FBH1: variants seen among roughly 807,000 people sequenced by gnomAD.
FBH1 encodes DNA 3'-5' helicase 1.
In FBH1, 43 loss-of-function variants were observed where a neutral mutation model predicts 115.5. The ratio of observed to expected loss-of-function variants is 0.37; its 90% confidence interval spans 0.29 to 0.48. The LOEUF (loss-of-function observed/expected upper bound fraction) is 0.48, where lower values mean the gene tolerates loss of function less well. Among genes scored for constraint, FBH1 ranks in the 20% least tolerant of loss-of-function variants. The pLI is 0.99. For synonymous variants in FBH1, 524 were observed against 507.8 expected (o/e 1.03, Z -0.43); for missense variants, 1,001 against 1,337.3 (o/e 0.75, Z 3.92).
Position 5,921,124 on chromosome 10 carries a change from G to A in FBH1, c.2101-134G>A. The stretch of plus-strand genomic sequence containing the variant: ...TGAAGGACCTTGAAAGTGAGCCTGT[G>A]AAGTTCGCTTTCCATGCGGGGGGTC... On this transcript the variant is annotated intron_variant, in intron 13 of 20. Coordinates refer to ENST00000362091, the MANE Select transcript of FBH1 (RefSeq NM_178150.3). This position sits in a 1 kb window ranked among gnomAD's most constrained non-coding sequence, Gnocchi z 6.4. 1 of 689,058 alleles carries A rather than the reference G, an allele frequency of 1.5e-6. No individual in the cohort carries two copies. The highest frequency in any genetic ancestry group is 2.5e-6 in the Non-Finnish European group (1 of 402,578). 42.7% of individuals were successfully genotyped at this position (689,058 alleles called of 1,614,324 possible). A position where few individuals can be genotyped will look rare whatever the true frequency, so the allele number is the denominator to read the frequency against.
chr10:5,911,547 G>A lies in FBH1; in HGVS notation c.1211+419G>A, dbSNP rs980069885. ...CATGCGGGAGAGGCTATGGCGTGTC[G>A]GCTGCTGATTCACAGGGGCCCCGAT... On this transcript the variant is annotated intron_variant, in intron 6 of 20. Transcript: ENST00000362091. The surrounding 1 kb of genome is among the most constrained non-coding windows in gnomAD (Gnocchi z 5.4). 2.4e-4 allele frequency among the ~76,000 whole-genome samples: 37 copies of A among 152,178 alleles called. No individual in the cohort carries two copies. The highest frequency in any genetic ancestry group is 8.9e-4 in the African/African-American group (37 of 41,442).
rs1354298436 is a variant in FBH1 at position 5,904,900 on chromosome 10, GC to G, written c.158-1136del. ...TTCAGTTTCATAAATTTTGTTAAAG[GC>G]TAAACCGAGTTTCAGTCCATTCTCT... is the stretch of plus-strand genomic sequence containing the variant. On this transcript the variant is annotated intron_variant, in intron 2 of 20. Coordinates refer to ENST00000362091, the MANE Select transcript of FBH1 (RefSeq NM_178150.3). Among the ~76,000 whole-genome samples the G allele has an allele frequency of 4.6e-5, 7 of 152,024 alleles. No individual in the cohort carries two copies. In the East Asian group the frequency reaches 1.3e-3, roughly 29 times the overall value.
At position 5,915,360 on chromosome 10, in the gene FBH1, T is replaced by C. The variant is rs144591731; in HGVS notation, c.1397-43T>C. 7.2e-4 allele frequency: 1,161 copies of C among 1,606,952 alleles called. 10 individuals are homozygous for C. In the African/African-American group the frequency reaches 0.013, roughly 18 times the overall value. The stretch of plus-strand genomic sequence containing the variant: ...TGATTGGGGATCCCTGGGCATGTCT[T>C]GTCTGGTCAGAGGGTCACCTCCTTT... On this transcript the variant is annotated intron_variant, in intron 8 of 20. Coordinates refer to ENST00000362091, the MANE Select transcript of FBH1 (RefSeq NM_178150.3). The surrounding 1 kb of genome is among the most constrained non-coding windows in gnomAD (Gnocchi z 5.2).
chr10:5,891,891 C>T (rs1042601959), intron 1 of FBH1, among the ~76,000 whole-genome samples: 1 of 152,210 alleles, frequency 6.6e-6, no homozygotes, highest in African/African-American at 2.4e-5. Flanking sequence ...GGATTACAGG[C>T]GTGAGCCACC....
Position 5,914,049 on chromosome 10 carries a change from C to T in FBH1, c.1305-129C>T, listed in dbSNP as rs1331008727. The T allele has an allele frequency of 1.1e-5, 10 of 903,860 alleles. No individual in the cohort carries two copies. The highest frequency in any genetic ancestry group is 3.1e-5 in the South Asian group (2 of 64,340). 56.0% of individuals were successfully genotyped at this position (903,860 alleles called of 1,614,324 possible). ...TCTAGCTTTAGAACATGTTTATTCT[C>T]GTAAGGGGAGGCCTTTTTTTTGGTC... On this transcript the variant is annotated intron_variant, in intron 7 of 20. Transcript: ENST00000362091. This position sits in a 1 kb window ranked among gnomAD's most constrained non-coding sequence, Gnocchi z 5.2.
chr10:5,926,490 T>G (rs572754980), intron 18 of FBH1, among the ~76,000 whole-genome samples: 2 of 152,242 alleles, frequency 1.3e-5, no homozygotes, highest in Non-Finnish European at 2.9e-5. Context: ...TGCTATTGCT[T>G]TGGTTTTAAA....
chr10:5,913,885 C>A lies in FBH1; in HGVS notation c.1304+46C>A. On this transcript the variant is annotated intron_variant, in intron 7 of 20. Coordinates refer to ENST00000362091, the MANE Select transcript of FBH1 (RefSeq NM_178150.3). This position sits in a 1 kb window ranked among gnomAD's most constrained non-coding sequence, Gnocchi z 4.4. Reference sequence around the variant, plus strand: ...GCGTGTGTTTTGTCTTCTGTCGACTCTTCCTCATACTTAAGGAGGGAGATG... The same window carrying A: ...GCGTGTGTTTTGTCTTCTGTCGACTATTCCTCATACTTAAGGAGGGAGATG... 1 of 1,381,686 alleles carries A rather than the reference C, an allele frequency of 7.2e-7. No homozygotes were observed. The highest frequency in any genetic ancestry group is 1.2e-5 in the South Asian group (1 of 80,564). The allele number at this position is 1,381,686 out of a possible 1,614,324, so 85.6% of individuals were successfully genotyped here. A position where few individuals can be genotyped will look rare whatever the true frequency, so the allele number is the denominator to read the frequency against.
At chr10:5,901,787 C>T (rs56333805) in intron 1 of FBH1, among the ~76,000 whole-genome samples, 5,399 of 152,088 alleles carry the variant, frequency 0.035, 186 homozygotes, top group East Asian at 0.15. Flanking sequence ...TGGTCTTGAG[C>T]TCTAGACCTC....
At chr10:5,908,858 G>A (rs1242201869) in intron 3 of FBH1, 67 bp from the exon 4 acceptor site, 6 of 1,564,594 alleles carry the variant, frequency 3.8e-6, no homozygotes, top group South Asian at 1.1e-5. Context: ...CGATCTGCCC[G>A]CCTCATTAAT....
intron 19 of FBH1, chr10:5,934,364 G>GTTTTTTTT (rs60109796): frequency 1.4e-5 from 2 of 141,100 alleles, no homozygotes; most frequent in African/African-American, 5.4e-5. Flanking sequence ...TCAAAGACAG[G>GTTTTTTTT]TTTTTTTTTT....
chr10:5,906,447 G>C lies in FBH1; in HGVS notation c.568G>C (p.Asp190His), dbSNP rs1410242364. The C allele has an allele frequency of 6.2e-7, 1 of 1,614,220 alleles. No individual in the cohort carries two copies. The highest frequency in any genetic ancestry group is 1.7e-5 in the Admixed American group (1 of 60,022). The change falls in exon 3 of 21, where the codon GAT becomes CAT. Residue 190 changes from aspartate to histidine, a missense_variant. By Grantham distance (81) the Asp-to-His change is moderately conservative. This residue lies in a region of FBH1 where 420 missense variants were observed against 430.4 expected (regional missense o/e 0.98). Coordinates refer to ENST00000362091, the MANE Select transcript of FBH1 (RefSeq NM_178150.3). This position sits in a 1 kb window ranked among gnomAD's most constrained non-coding sequence, Gnocchi z 7.3. Reference sequence around the variant, plus strand: ...CCAAGATGCTGGGGACGTGGGTCCTGATCCCATTCCTGACTCATACTATGG... The same window carrying C: ...CCAAGATGCTGGGGACGTGGGTCCTCATCCCATTCCTGACTCATACTATGG... ...TDQDAGDVGP[D>H]PIPDSYYGLL...
chr10:5,915,476 C>G lies in FBH1; in HGVS notation c.1470C>G (p.Phe490Leu). Reference protein sequence around the residue: ...WSQSRFLYVTFNKSIAKQAER... With the variant: ...WSQSRFLYVTLNKSIAKQAER... ...AGAGCAGGTTTCTGTATGTGACATT[C>G]AACAAGAGCATCGCAAAGCAGGCCG... Residue 490 changes from phenylalanine (F) to leucine (L), a missense_variant, in exon 9 of 21, where the codon TTC becomes TTG. Physicochemically the swap from Phe to Leu is conservative, Grantham distance 22. Transcript: ENST00000362091. The surrounding 1 kb of genome is among the most constrained non-coding windows in gnomAD (Gnocchi z 5.2). 6.2e-7 allele frequency: 1 copy of G among 1,614,202 alleles called. No individual in the cohort carries two copies. The highest frequency in any genetic ancestry group is 8.5e-7 in the Non-Finnish European group (1 of 1,180,028).
chr10:5,902,220 G>C (rs1401730782), intron 1 of FBH1, among the ~76,000 whole-genome samples: 1 of 151,946 alleles, frequency 6.6e-6, no homozygotes, highest in Non-Finnish European at 1.5e-5. Context: ...AGACATGTGT[G>C]CCCTTTGGTC....
rs1025520394 is a variant in FBH1 at position 5,917,360 on chromosome 10, G to A, written c.1789-60G>A. 1.8e-5 allele frequency: 25 copies of A among 1,420,056 alleles called. No individual in the cohort carries two copies. The highest frequency in any genetic ancestry group is 4.2e-5 in the African/African-American group (3 of 71,280). 88.0% of individuals were successfully genotyped at this position (1,420,056 alleles called of 1,614,324 possible). ...CTGTATGGGAGTTGACAGTGTGACC[G>A]CAGGGTGCTGCCTTTGCCAGGGTCT... On this transcript the variant is annotated intron_variant, in intron 10 of 20. Coordinates refer to ENST00000362091, the MANE Select transcript of FBH1 (RefSeq NM_178150.3). This position sits in a 1 kb window ranked among gnomAD's most constrained non-coding sequence, Gnocchi z 5.6.
Position 5,937,270 on chromosome 10 carries a change from T to C in FBH1, c.3122T>C (p.Leu1041Pro). 3.1e-6 allele frequency: 5 copies of C among 1,600,898 alleles called. No individual in the cohort carries two copies. Among genetic ancestry groups the C allele is most frequent in the Non-Finnish European group, 4.3e-6 (5 of 1,172,480 alleles). The change falls in exon 21 of 21, where the codon CTC (leucine) becomes CCC (proline). Residue 1041 changes from leucine to proline, a missense_variant. Leu to Pro is a moderately conservative substitution (Grantham distance 98). Transcript: ENST00000362091. ...CCCCGGCATGAGGCCCTGCTCTTCC[T>C]CGTCTTCTGAGGACAAGGCGCACGT... ...VLPRHEALLF[L>P]VF
chr10:5,904,301 A>G (rs1022859108), intron 2 of FBH1, among the ~76,000 whole-genome samples: 5 of 152,186 alleles, frequency 3.3e-5, no homozygotes, highest in East Asian at 3.9e-4. Context: ...TCAAACTGCC[A>G]GGATTACAGG....
chr10:5,918,599 G>A lies in FBH1; in HGVS notation c.2100+121G>A. 7.8e-7 allele frequency: 1 copy of A among 1,286,116 alleles called. No individual in the cohort carries two copies. The highest frequency in any genetic ancestry group is 1.0e-6 in the Non-Finnish European group (1 of 973,580). The allele number at this position is 1,286,116 out of a possible 1,614,324, so 79.7% of individuals were successfully genotyped here. ...TAGCAAATCCTTGCTTCTAAGCCAT[G>A]GTTCTCAAAGTGTGGTTCTCAGGGG... On this transcript the variant is annotated intron_variant, in intron 13 of 20. Transcript: ENST00000362091. This position sits in a 1 kb window ranked among gnomAD's most constrained non-coding sequence, Gnocchi z 4.0.
chr10:5,895,766 A>G lies in FBH1; in HGVS notation c.1+5420A>G, dbSNP rs1474575218. On this transcript the variant is annotated intron_variant, in intron 1 of 20. Transcript: ENST00000362091. The surrounding 1 kb of genome is among the most constrained non-coding windows in gnomAD (Gnocchi z 5.0). Reference sequence around the variant, plus strand: ...CCCGGCTTCTAAGGATGTCCTGGGAATCAGCTTCCCAGTTAAGGGGAAGAG... The same window carrying G: ...CCCGGCTTCTAAGGATGTCCTGGGAGTCAGCTTCCCAGTTAAGGGGAAGAG... Among the ~76,000 whole-genome samples, 1 of 152,136 alleles carries G rather than the reference A, an allele frequency of 6.6e-6. No individual in the cohort carries two copies. Among genetic ancestry groups the G allele is most frequent in the Admixed American group, 6.6e-5 (1 of 15,262 alleles).
rs1831410219 is a variant in FBH1 at position 5,909,257 on chromosome 10, T to G, written c.983T>G (p.Val328Gly). 1 of 1,612,466 alleles carries G rather than the reference T, an allele frequency of 6.2e-7. No individual in the cohort carries two copies. Among genetic ancestry groups the G allele is most frequent in the Non-Finnish European group, 8.5e-7 (1 of 1,180,010 alleles). The change falls in exon 5 of 21, where the codon GTG (valine) becomes GGG (glycine). Residue 328 changes from valine (V) to glycine (G), a missense_variant. Around this residue, in one of 4 missense-constraint regions of FBH1, gnomAD observed 420 missense variants for 430.4 expected, o/e 0.98. Transcript: ENST00000362091. This position sits in a 1 kb window ranked among gnomAD's most constrained non-coding sequence, Gnocchi z 4.4. ...HPLLPEAEAC[V>G]RQHLPDLYAA... ...CTCCTCCCCGAGGCTGAGGCGTGTG[T>G]GCGGCAACACCTCCCCGACCTCTAC...
Sources: gnomAD v4.1 joint callset for allele counts (sites outside exome capture counted in the v4.1 genomes callset) on GRCh38, gnomAD v4.1.1 for gene constraint, gnomAD v4.1.1 regional missense constraint, Gnocchi (gnomAD v3.1) non-coding constraint, MANE v1.5 for transcripts, NCBI Gene and HGNC (gene_info 2026-07-23, HGNC 2026-07-21) for gene names.